The following DMD variants were observed in gnomAD, a reference collection of about 807,000 sequenced individuals.
DMD encodes the protein dystrophin.
In DMD, 63 loss-of-function variants were observed where a neutral mutation model predicts 330.1. The observed-to-expected ratio is 0.19, with a 90% CI of 0.16 to 0.24. The LOEUF (loss-of-function observed/expected upper bound fraction) is 0.24. DMD is among the 10% of genes least tolerant of loss of function. The pLI, the probability that DMD is intolerant of heterozygous loss-of-function variation, is 1.00. For synonymous variants in DMD, 1,223 were observed against 959.8 expected (o/e 1.27, Z -5.07); for missense variants, 3,344 against 2,684.1 (o/e 1.25, Z -5.43).
intron 1 of DMD, among the ~76,000 whole-genome samples, chrX:33,205,047 C>A (rs1421840255): frequency 1.8e-5 from 2 of 112,111 alleles, no homozygotes; most frequent in Non-Finnish European, 1.9e-5. Context: ...CATGCCCTGC[C>A]CTTCAGCGTC....
intron 67 of DMD, among the ~76,000 whole-genome samples, chrX:31,194,922 C>T (rs1356627797): frequency 1.8e-5 from 2 of 111,684 alleles, no homozygotes; most frequent in African/African-American, 3.3e-5. Context: ...ATCTCCTCAT[C>T]GACTCTGCCT....
intron 7 of DMD, among the ~76,000 whole-genome samples, chrX:32,768,664 G>A (rs1213145252): frequency 9.0e-6 from 1 of 110,978 alleles, no homozygotes; most frequent in Non-Finnish European, 1.9e-5. Context: ...AATCCCACTG[G>A]GACCACGATT....
At chrX:32,332,110 G>T (rs775784379) in intron 41 of DMD, among the ~76,000 whole-genome samples, 1 of 110,933 alleles carries the variant, frequency 9.0e-6, no homozygotes, top group Non-Finnish European at 1.9e-5. Flanking sequence ...TTCTTAACAC[G>T]CACAAGAAAT....
intron 2 of DMD, among the ~76,000 whole-genome samples, chrX:32,859,504 CACACACAA>C (rs2081905615): frequency 3.5e-5 from 3 of 84,861 alleles, no homozygotes; most frequent in South Asian, 1.0e-3. Flanking sequence ...CACACACACA[CACACACAA>C]GTTAAAGTCT....
At chrX:32,794,572 G>A (rs903857623) in intron 7 of DMD, among the ~76,000 whole-genome samples, 2 of 111,259 alleles carry the variant, frequency 1.8e-5, no homozygotes. Context: ...CTGGGCAACA[G>A]AGCAAGACTC....
intron 44 of DMD, among the ~76,000 whole-genome samples, chrX:32,059,612 A>C (rs1393807453): frequency 9.0e-6 from 1 of 111,544 alleles, no homozygotes; most frequent in East Asian, 2.8e-4. Context: ...CCAGGCTTTA[A>C]ATTCCGAAAT....
intron 60 of DMD, among the ~76,000 whole-genome samples, chrX:31,427,046 G>C (rs1307797866): frequency 8.9e-6 from 1 of 111,935 alleles, no homozygotes; most frequent in Non-Finnish European, 1.9e-5. Context: ...GTTTCCTTAT[G>C]AATGACAAAT....
chrX:31,638,684 T>C (rs1308860573), intron 54 of DMD, among the ~76,000 whole-genome samples: 1 of 112,656 alleles, frequency 8.9e-6, no homozygotes, highest in African/African-American at 3.2e-5. Flanking sequence ...ATTTAGACAA[T>C]AGGGATTTAT....
chrX:32,865,257 T>A (rs992431672), intron 2 of DMD, among the ~76,000 whole-genome samples: 34 of 111,370 alleles, frequency 3.1e-4, no homozygotes, highest in Non-Finnish European at 5.4e-4. Context: ...TGTAATAGCC[T>A]AGGAAGGAAA....
chrX:32,473,858 T>C (rs916495560), intron 21 of DMD, among the ~76,000 whole-genome samples: 4 of 110,868 alleles, frequency 3.6e-5, no homozygotes, highest in African/African-American at 9.8e-5. Flanking sequence ...CCATAAGTTA[T>C]TGGGGGTAAA....
chrX:33,124,774 C>T (rs2095450921), intron 1 of DMD, among the ~76,000 whole-genome samples: 3 of 109,889 alleles, frequency 2.7e-5, no homozygotes, highest in African/African-American at 9.9e-5. Flanking sequence ...CCTGTAATCC[C>T]AGCACTTTGG....
chrX:33,265,968 A>G (rs1035359294), intron 1 of DMD, among the ~76,000 whole-genome samples: 3 of 111,795 alleles, frequency 2.7e-5, no homozygotes, highest in Non-Finnish European at 5.7e-5. Context: ...TAGATTAAAT[A>G]CTGATGTGTC....
rs778884715 is a variant in DMD at position 31,782,041 on chromosome X, C to T, written c.7310-7849G>A. Among the ~76,000 whole-genome samples the T allele has an allele frequency of 4.5e-5, 5 of 111,255 alleles. No individual in the cohort carries two copies. The South Asian group carries it at 1.9e-3, about 42-fold the overall frequency. On this transcript the variant is annotated intron_variant, in intron 50 of 78. Transcript: ENST00000357033. ...AGAAATTGTTAAGGGCTTCTCTTTC[C>T]AACATGATATTGGGCAGGCACTGAA...
chrX:32,136,944 G>A (rs774849128), intron 44 of DMD, among the ~76,000 whole-genome samples: 1 of 110,883 alleles, frequency 9.0e-6, no homozygotes, highest in East Asian at 2.8e-4. Flanking sequence ...CACCAGCATG[G>A]CACATGTATA....
At chrX:31,363,819 C>T (rs1171399475) in intron 60 of DMD, among the ~76,000 whole-genome samples, 5 of 112,483 alleles carry the variant, frequency 4.4e-5, no homozygotes, top group African/African-American at 1.6e-4. Flanking sequence ...CACTAGATGC[C>T]AGTAGCACCT....
At chrX:32,456,727 A>AAG (rs952088667) in intron 25 of DMD, among the ~76,000 whole-genome samples, 6 of 108,322 alleles carry the variant, frequency 5.5e-5, no homozygotes, top group Admixed American at 2.0e-4. Context: ...GTTCGGCTGT[A>AAG]AGAGAAATAT....
intron 29 of DMD, among the ~76,000 whole-genome samples, chrX:32,419,346 T>C (rs2098180052): frequency 8.9e-6 from 1 of 112,126 alleles, no homozygotes; most frequent in Non-Finnish European, 1.9e-5. Flanking sequence ...CATCCTATTT[T>C]TTCCTAAAGA....
chrX:32,269,815 TCTCA>T (rs1464200551), intron 43 of DMD, among the ~76,000 whole-genome samples: 2 of 112,448 alleles, frequency 1.8e-5, no homozygotes, highest in Non-Finnish European at 3.8e-5. Flanking sequence ...GTTTTGTTTT[TCTCA>T]CTATCTCAAG....
chrX:32,260,837 T>C (rs954380435), intron 43 of DMD, among the ~76,000 whole-genome samples: 53 of 111,989 alleles, frequency 4.7e-4, no homozygotes, highest in African/African-American at 1.7e-3. Flanking sequence ...CTTTTATATA[T>C]AAAATTACAC....
Sources: allele counts gnomAD v4.1 joint callset (sites outside exome capture counted in the v4.1 genomes callset), GRCh38; gene constraint gnomAD v4.1.1; transcripts MANE v1.5; gene names NCBI Gene and HGNC (gene_info 2026-07-23, HGNC 2026-07-21).